TNRC6B: variants seen among roughly 807,000 people sequenced by gnomAD.
TNRC6B encodes the protein trinucleotide repeat containing adaptor 6B.
TNRC6B carries 52 observed loss-of-function variants against 203.6 expected under a neutral mutation model. The ratio of observed to expected loss-of-function variants is 0.26; its 90% CI spans 0.20 to 0.32. The LOEUF (loss-of-function observed/expected upper bound fraction) is 0.32. TNRC6B is among the 10% of genes least tolerant of loss of function. The pLI is 1.00. For synonymous variants in TNRC6B, 838 were observed against 845.7 expected (o/e 0.99, Z 0.16); for missense variants, 1,923 against 2,286.2 (o/e 0.84, Z 3.24).
intron 1 of TNRC6B, among the ~76,000 whole-genome samples, chr22:40,102,103 G>GTTTAAAC (rs1312666990): frequency 1.3e-5 from 2 of 152,138 alleles, no homozygotes; most frequent in East Asian, 3.8e-4. Flanking sequence ...CTAAGGGTTA[G>GTTTAAAC]TTTAAACCCT....
At chr22:40,186,375 C>T (rs1170054604) in intron 1 of TNRC6B, among the ~76,000 whole-genome samples, 3 of 151,890 alleles carry the variant, frequency 2.0e-5, no homozygotes, top group Admixed American at 6.6e-5. Context: ...CATTCGATGG[C>T]GCCAGCACCG....
chr22:40,133,213 A>G (rs535582174), intron 3 of TNRC6B, among the ~76,000 whole-genome samples: 57 of 152,018 alleles, frequency 3.7e-4, no homozygotes, highest in African/African-American at 1.4e-3. Flanking sequence ...GTGGAACTGT[A>G]CATTACTGGG....
chr22:40,256,573 G>A lies in TNRC6B; in HGVS notation c.116-5259G>A, dbSNP rs146526140. Among the ~76,000 whole-genome samples the A allele has an allele frequency of 6.6e-5, 10 of 152,292 alleles. No homozygotes were observed. The East Asian group carries it at 1.9e-3, about 29-fold the overall frequency. ...AATGACAGGAAATTCATATTTCACTGTCCGTAAATAAAGTTTTATGGGAGC... is the reference window on the plus strand; with the variant it reads ...AATGACAGGAAATTCATATTTCACTATCCGTAAATAAAGTTTTATGGGAGC... On this transcript the variant is annotated intron_variant, in intron 3 of 22. Transcript: ENST00000454349.
intron 1 of TNRC6B, chr22:40,106,774 A>G: frequency 1.2e-6 from 1 of 838,134 alleles, no homozygotes; most frequent in Non-Finnish European, 2.1e-6. Context: ...CCCCATTGAT[A>G]CCTCTGATCC....
At chr22:40,182,629 C>CAA (rs1169329178) in intron 1 of TNRC6B, among the ~76,000 whole-genome samples, 2 of 152,218 alleles carry the variant, frequency 1.3e-5, no homozygotes, top group East Asian at 3.8e-4. Flanking sequence ...TTGGTTGGCC[C>CAA]ATTGCCTTCA....
intron 1 of TNRC6B, among the ~76,000 whole-genome samples, chr22:40,090,770 T>C (rs2068143863): frequency 6.6e-6 from 1 of 152,012 alleles, no homozygotes. Flanking sequence ...AGTAGCAATG[T>C]GTAACCCTAG....
At chr22:40,067,683 T>C (rs2067907416) in intron 1 of TNRC6B, among the ~76,000 whole-genome samples, 1 of 152,136 alleles carries the variant, frequency 6.6e-6, no homozygotes, top group African/African-American at 2.4e-5. Flanking sequence ...CGTGGAGTTC[T>C]GATGTTCAAG....
intron 5 of TNRC6B, among the ~76,000 whole-genome samples, chr22:40,268,093 G>A (rs2070506082): frequency 6.6e-6 from 1 of 151,982 alleles, no homozygotes; most frequent in Non-Finnish European, 1.5e-5. Flanking sequence ...TTAAGAACCA[G>A]TTTTCTTTTT....
At chr22:40,297,998 A>C (rs1006228561) in intron 12 of TNRC6B, among the ~76,000 whole-genome samples, 4 of 137,474 alleles carry the variant, frequency 2.9e-5, no homozygotes, top group African/African-American at 1.1e-4. Context: ...GGTGGCAGGC[A>C]CCTGTAGTCC....
chr22:40,166,679 G>A lies in TNRC6B; in HGVS notation c.113+10497G>A, dbSNP rs374897094. On this transcript the variant is annotated intron_variant, in intron 4 of 23. Coordinates refer to the TNRC6B transcript ENST00000301923. Reference sequence around the variant, plus strand: ...TGGGAGACCAAAGTGGGCAGATCACGAGGTCAGGAGTTTGAGACCAGCCTG... The same window carrying A: ...TGGGAGACCAAAGTGGGCAGATCACAAGGTCAGGAGTTTGAGACCAGCCTG... Among the ~76,000 whole-genome samples, 9 of 151,958 alleles carry A rather than the reference G, an allele frequency of 5.9e-5. No homozygotes were observed. The South Asian group carries it at 1.5e-3, about 25-fold the overall frequency.
At chr22:40,232,106 C>G (rs1328747431) in intron 1 of TNRC6B, among the ~76,000 whole-genome samples, 1 of 152,144 alleles carries the variant, frequency 6.6e-6, no homozygotes, top group African/African-American at 2.4e-5. Context: ...ATTACTCAGT[C>G]ATGGAAAAGT....
intron 1 of TNRC6B, among the ~76,000 whole-genome samples, chr22:40,222,728 CTTTTTTTTTTTTTTTTTTTTTT>C (rs61374373): frequency 3.5e-4 from 14 of 40,184 alleles, no homozygotes; most frequent in Non-Finnish European, 5.2e-4. Context: ...CTCTCTCTCT[CTTTTTTTTTTTTTTTTTTTTTT>C]TTTTTTTTTT....
intron 4 of TNRC6B, among the ~76,000 whole-genome samples, chr22:40,159,055 C>T (rs112559686): frequency 0.021 from 3,212 of 151,748 alleles, 70 homozygotes; most frequent in African/African-American, 0.058. Flanking sequence ...CTCCGCCTCC[C>T]GGGTTCACGC....
intron 4 of TNRC6B, among the ~76,000 whole-genome samples, chr22:40,169,053 C>T (rs927681495): frequency 1.5e-4 from 23 of 151,788 alleles, no homozygotes; most frequent in African/African-American, 5.3e-4. Context: ...ATAGTACCTA[C>T]TACATAGTAG....
intron 1 of TNRC6B, among the ~76,000 whole-genome samples, chr22:40,057,892 T>C (rs1384456098): frequency 2.6e-5 from 4 of 152,226 alleles, no homozygotes; most frequent in Non-Finnish European, 5.9e-5. Context: ...TCAGATGTTA[T>C]CTCTGTAGAC....
chr22:40,281,250 C>G lies in TNRC6B; in HGVS notation c.3543C>G (p.Ile1181Met). The G allele has an allele frequency of 6.5e-7, 1 of 1,549,450 alleles. No individual in the cohort carries two copies. The highest frequency in any genetic ancestry group is 8.7e-7 in the Non-Finnish European group (1 of 1,145,948). ...TACCCAACGTCAGCCTTGGAGCAAT[C>G]GGCACAGGGCTCAACCCCCAAAACT... Reference protein sequence around the residue: ...STLPNVSLGAIGTGLNPQNFA... With the variant: ...STLPNVSLGAMGTGLNPQNFA... The change falls in exon 11 of 23, where the codon ATC becomes ATG. Residue 1181 changes from isoleucine (I) to methionine (M), a missense_variant. Physicochemically the swap from Ile to Met is conservative, Grantham distance 10. Coordinates refer to ENST00000454349, the MANE Select transcript of TNRC6B (RefSeq NM_001162501.2).
Position 40,281,122 on chromosome 22 carries a change from A to T in TNRC6B, c.3415A>T (p.Thr1139Ser), listed in dbSNP as rs375851788. 47 of 1,548,254 alleles carry T rather than the reference A, an allele frequency of 3.0e-5. No homozygotes were observed. In the African/African-American group the frequency reaches 5.6e-4, roughly 19 times the overall value. Residue 1139 changes from threonine to serine, a missense_variant, in exon 11 of 23, where the codon ACT becomes TCT. By Grantham distance (58) the Thr-to-Ser change is moderately conservative. Transcript: ENST00000454349. ...TDSGPYFEKL[T>S]LPFSNQDGCL... ...GCTAACTCCTACTACTTTTCAGCTG[A>T]CTTTGCCTTTCTCCAATCAAGATGG...
intron 17 of TNRC6B, among the ~76,000 whole-genome samples, chr22:40,311,568 T>C (rs1035061638): frequency 4.7e-5 from 7 of 147,684 alleles, no homozygotes; most frequent in African/African-American, 1.8e-4. Context: ...TGAAAGGGAG[T>C]TTTGCTCTTA....
intron 3 of TNRC6B, among the ~76,000 whole-genome samples, chr22:40,252,648 A>G (rs1234568419): frequency 6.6e-6 from 1 of 152,244 alleles, no homozygotes; most frequent in Non-Finnish European, 1.5e-5. Context: ...ATTATTAGTT[A>G]TAATTAATTG....
Sources: gnomAD v4.1 joint callset for allele counts (sites outside exome capture counted in the v4.1 genomes callset) on GRCh38, gnomAD v4.1.1 for gene constraint, MANE v1.5 for transcripts, NCBI Gene and HGNC (gene_info 2026-07-23, HGNC 2026-07-21) for gene names.